Variants in PDE3B observed in about 807,000 individuals in gnomAD.
The protein encoded by PDE3B is cGMP-inhibited 3',5'-cyclic phosphodiesterase 3B.
PDE3B carries 66 observed loss-of-function variants against 116.8 expected under a neutral mutation model. The ratio of observed to expected loss-of-function variants is 0.56; its 90% CI spans 0.46 to 0.69. The LOEUF is 0.69. PDE3B is among the 30% of genes least tolerant of loss of function. PDE3B has a pLI of 0.00. For missense variants in PDE3B, 1,384 were observed against 1,368.1 expected (o/e 1.01, Z -0.18); for synonymous variants, 595 against 533.6 (o/e 1.12, Z -1.59).
chr11:14,845,653 T>C (rs1240445110), intron 12 of PDE3B, among the ~76,000 whole-genome samples: 4 of 152,164 alleles, frequency 2.6e-5, no homozygotes, highest in Non-Finnish European at 4.4e-5. Flanking sequence ...AAGGAGCTGA[T>C]GGAGCTGAAA....
intron 1 of PDE3B, among the ~76,000 whole-genome samples, chr11:14,734,705 A>C (rs1467795084): frequency 6.6e-6 from 1 of 152,194 alleles, no homozygotes; most frequent in Non-Finnish European, 1.5e-5. Context: ...TTTTAACCAT[A>C]CAGAAAAGTT....
Position 14,834,737 on chromosome 11 carries a change from C to G in PDE3B, c.2207-245C>G, listed in dbSNP as rs532995083. On this transcript the variant is annotated intron_variant, in intron 10 of 15. Coordinates refer to ENST00000282096, the MANE Select transcript of PDE3B (RefSeq NM_000922.4). Reference sequence around the variant, plus strand: ...CCACCTTGAGAACATTTTCCAATGCCTTTCAATACTCCTTGGTTATCCTGC... The same window carrying G: ...CCACCTTGAGAACATTTTCCAATGCGTTTCAATACTCCTTGGTTATCCTGC... 2.6e-5 allele frequency among the ~76,000 whole-genome samples: 4 copies of G among 152,288 alleles called. No homozygotes were observed. The East Asian group carries it at 7.7e-4, about 29-fold the overall frequency.
intron 2 of PDE3B, chr11:14,775,804 TG>T (rs1397014921): frequency 6.6e-6 from 1 of 152,384 alleles, no homozygotes; most frequent in Non-Finnish European, 1.5e-5. Context: ...CCCAAAGTGC[TG>T]GGATTACAGG....
rs117252252 is a variant in PDE3B at position 14,684,190 on chromosome 11, A to T, written c.978+39137A>T. On this transcript the variant is annotated intron_variant, in intron 1 of 15. Coordinates refer to ENST00000282096, the MANE Select transcript of PDE3B (RefSeq NM_000922.4). ...TTCAAAGTTTGAAAGTATCAGGGGAACCCACCCCCCGTATTTCAACGTAGG... is the reference window on the plus strand; with the variant it reads ...TTCAAAGTTTGAAAGTATCAGGGGATCCCACCCCCCGTATTTCAACGTAGG... Among the ~76,000 whole-genome samples the T allele has an allele frequency of 1.4e-3, 211 of 152,196 alleles. 1 individual carries two copies. The highest frequency in any genetic ancestry group is 3.4e-3 in the Middle Eastern group (1 of 294).
At position 14,721,222 on chromosome 11, in the gene PDE3B, A is replaced by G. The variant is rs564912037; in HGVS notation, c.979-50715A>G. ...GAGAAATGCAAATCAAAACACTATG[A>G]GATACCATCTCACACCAGTTAGAAT... is the stretch of plus-strand genomic sequence containing the variant. On this transcript the variant is annotated intron_variant, in intron 1 of 15. Coordinates refer to ENST00000282096, the MANE Select transcript of PDE3B (RefSeq NM_000922.4). 3.3e-5 allele frequency among the ~76,000 whole-genome samples: 5 copies of G among 152,346 alleles called. No individual in the cohort carries two copies. In the South Asian group the frequency reaches 1.0e-3, roughly 32 times the overall value.
intron 1 of PDE3B, among the ~76,000 whole-genome samples, chr11:14,748,791 C>T (rs1436416669): frequency 6.6e-6 from 1 of 151,788 alleles, no homozygotes; most frequent in East Asian, 1.9e-4. Flanking sequence ...AGATAATGGT[C>T]TTTCTCGTCA....
At chr11:14,669,066 A>G (rs981143357) in intron 1 of PDE3B, among the ~76,000 whole-genome samples, 1 of 152,220 alleles carries the variant, frequency 6.6e-6, no homozygotes, top group Non-Finnish European at 1.5e-5. Context: ...AAGTGTTAAG[A>G]GAACATGGTA....
chr11:14,726,022 G>A (rs546828533), intron 1 of PDE3B, among the ~76,000 whole-genome samples: 4 of 152,142 alleles, frequency 2.6e-5, no homozygotes, highest in Admixed American at 1.3e-4. Flanking sequence ...CCAAGACTCC[G>A]CTATTCCTTG....
chr11:14,722,411 A>C (rs1856145345), intron 1 of PDE3B, among the ~76,000 whole-genome samples: 1 of 152,196 alleles, frequency 6.6e-6, no homozygotes, highest in South Asian at 2.1e-4. Flanking sequence ...AAATAAATCC[A>C]ATAAAAAAAT....
At chr11:14,850,990 T>A (rs1847737140) in intron 12 of PDE3B, among the ~76,000 whole-genome samples, 1 of 150,376 alleles carries the variant, frequency 6.6e-6, no homozygotes, top group African/African-American at 2.4e-5. Context: ...TATTTTTTTT[T>A]TTTTTTTTTT....
chr11:14,714,863 A>C (rs2133832924), intron 1 of PDE3B, among the ~76,000 whole-genome samples: 1 of 152,316 alleles, frequency 6.6e-6, no homozygotes, highest in South Asian at 2.1e-4. Flanking sequence ...GAGCTTAAGA[A>C]GTTTTGGCTT....
chr11:14,869,789 C>T lies in PDE3B; in HGVS notation c.*129C>T. ...ATTCCCATGTGGACAGGCCTTAATA[C>T]TGTGAGAGGATCCTTGCTCTGCTGG... On this transcript the variant is annotated 3_prime_UTR_variant, in exon 16 of 16. Transcript: ENST00000282096. 1.5e-6 allele frequency: 1 copy of T among 675,340 alleles called. No homozygotes were observed. The highest frequency in any genetic ancestry group is 2.7e-5 in the East Asian group (1 of 36,422). 41.8% of individuals were successfully genotyped at this position (675,340 alleles called of 1,614,324 possible).
At chr11:14,878,931 T>C in the PDE3B span, among the ~76,000 whole-genome samples, 2 of 152,118 alleles carry the variant, frequency 1.3e-5, no homozygotes, top group African/African-American at 4.8e-5. Context: ...TTAAGGCTTA[T>C]ATTAAGCCGA....
intron 4 of PDE3B, among the ~76,000 whole-genome samples, chr11:14,796,037 C>T (rs533024610): frequency 2.0e-5 from 3 of 152,232 alleles, no homozygotes; most frequent in East Asian, 1.9e-4. Context: ...TCCCCCACCC[C>T]CCGACAGGCC....
chr11:14,647,493 A>C (rs961907766), intron 1 of PDE3B, among the ~76,000 whole-genome samples: 1 of 152,024 alleles, frequency 6.6e-6, no homozygotes, highest in African/African-American at 2.4e-5. Flanking sequence ...GTAAGGTAGA[A>C]ATTAAAATAA....
At chr11:14,702,454 G>A (rs1855393954) in intron 1 of PDE3B, among the ~76,000 whole-genome samples, 1 of 151,704 alleles carries the variant, frequency 6.6e-6, no homozygotes, top group South Asian at 2.1e-4. Flanking sequence ...TATTTGGAAG[G>A]TGATTCCAGG....
chr11:14,769,410 A>G (rs1447941150), intron 1 of PDE3B, among the ~76,000 whole-genome samples: 1 of 151,208 alleles, frequency 6.6e-6, no homozygotes, highest in Admixed American at 6.6e-5. Flanking sequence ...TCCAGTTAAA[A>G]TAGGGCATAC....
intron 12 of PDE3B, among the ~76,000 whole-genome samples, chr11:14,845,017 A>G (rs372398523): frequency 0.13 from 19,948 of 152,094 alleles, 1,462 homozygotes; most frequent in African/African-American, 0.2. Flanking sequence ...GAGATCTGAG[A>G]ACGGGCAGAC....
At position 14,849,836 on chromosome 11, in the gene PDE3B, C is replaced by T. The variant is rs1464196122; in HGVS notation, c.2520+5810C>T. Among the ~76,000 whole-genome samples the T allele has an allele frequency of 2.6e-5, 4 of 151,878 alleles. No individual in the cohort carries two copies. In the East Asian group the frequency reaches 7.8e-4, roughly 29 times the overall value. On this transcript the variant is annotated intron_variant, in intron 12 of 15. Coordinates refer to ENST00000282096, the MANE Select transcript of PDE3B (RefSeq NM_000922.4). The stretch of plus-strand genomic sequence containing the variant: ...TGGCAATCATTAAAAAGTCAGGAAA[C>T]AACAGGTGCTGGAGAGGATGTGGAG...
Sources: gnomAD v4.1 joint callset for allele counts (sites outside exome capture counted in the v4.1 genomes callset) on GRCh38, gnomAD v4.1.1 for gene constraint, MANE v1.5 for transcripts, NCBI Gene and HGNC (gene_info 2026-07-23, HGNC 2026-07-21) for gene names.